Variants in CRACR2A observed in about 807,000 individuals in gnomAD.
The protein encoded by CRACR2A is calcium release activated channel regulator 2A, also known as EF-hand calcium-binding domain-containing protein 4B.
In CRACR2A, 79 loss-of-function variants were observed where a neutral mutation model predicts 90.5. The observed-to-expected ratio is 0.87, with a 90% CI of 0.73 to 1.05. The LOEUF (loss-of-function observed/expected upper bound fraction) is 1.05. CRACR2A is among the 50% of genes least tolerant of loss of function. CRACR2A has a pLI of 0.00. For missense variants in CRACR2A, 823 were observed against 897.2 expected (o/e 0.92, Z 1.06); for synonymous variants, 338 against 356.7 (o/e 0.95, Z 0.59).
chr12:3,624,160 T>C (rs969456489), intron 17 of CRACR2A, among the ~76,000 whole-genome samples: 3 of 152,200 alleles, frequency 2.0e-5, no homozygotes, highest in African/African-American at 7.2e-5. Flanking sequence ...CATGCAGGCA[T>C]GTACAGCAAC....
chr12:3,669,341 C>A (rs1945200956), intron 7 of CRACR2A, among the ~76,000 whole-genome samples: 1 of 152,204 alleles, frequency 6.6e-6, no homozygotes, highest in Admixed American at 6.5e-5. Context: ...GGATGCTTTC[C>A]ATGGCAAAGA....
intron 7 of CRACR2A, among the ~76,000 whole-genome samples, chr12:3,662,773 C>T (rs1167903874): frequency 1.3e-5 from 2 of 152,340 alleles, no homozygotes; most frequent in South Asian, 2.1e-4. Flanking sequence ...GCAGGAGCCC[C>T]GCAGTGGCTG....
chr12:3,744,638 A>T (rs1433645193), intron 1 of CRACR2A, among the ~76,000 whole-genome samples: 1 of 152,200 alleles, frequency 6.6e-6, no homozygotes, highest in Non-Finnish European at 1.5e-5. Context: ...AGCCCACAGG[A>T]GGGCAGTCTC....
chr12:3,719,339 C>T lies in CRACR2A; in HGVS notation c.-117-6022G>A, dbSNP rs241984. Among the ~76,000 whole-genome samples, 1,155 of 152,316 alleles carry T rather than the reference C, an allele frequency of 7.6e-3. 15 individuals are homozygous for T. Among genetic ancestry groups the T allele is most frequent in the African/African-American group, 0.026 (1,083 of 41,546 alleles). On this transcript the variant is annotated intron_variant, in intron 2 of 19. Transcript: ENST00000440314. Reference sequence around the variant, plus strand: ...AAAGTCACTTGGCCTCCTTGGGCCTCGGGCTCCTCTTGTCCTCCTCCATAG... The same window carrying T: ...AAAGTCACTTGGCCTCCTTGGGCCTTGGGCTCCTCTTGTCCTCCTCCATAG...
At chr12:3,643,352 C>G (rs1944607291) in intron 12 of CRACR2A, among the ~76,000 whole-genome samples, 1 of 152,160 alleles carries the variant, frequency 6.6e-6, no homozygotes, top group Non-Finnish European at 1.5e-5. Flanking sequence ...GCTAAGGGTG[C>G]AATCCACATC....
In CRACR2A at chr12:3,680,331, G is replaced by C; in HGVS notation, c.247C>G (p.Pro83Ala). 1 of 1,614,080 alleles carries C rather than the reference G, an allele frequency of 6.2e-7. No homozygotes were observed. The highest frequency in any genetic ancestry group is 8.5e-7 in the Non-Finnish European group (1 of 1,179,950). Residue 83 changes from proline (P) to alanine (A), a missense_variant, in exon 5 of 20, where the codon CCG becomes GCG. Pro to Ala is a conservative substitution (Grantham distance 27, BLOSUM62 -1). Coordinates refer to ENST00000440314, the MANE Select transcript of CRACR2A (RefSeq NM_001144958.2). ...TCCTCCAGTTCCTCCAGGCTGAGCGGTAGCTCCTTATGCAGCCTCTGAAAA... is the reference window on the plus strand; with the variant it reads ...TCCTCCAGTTCCTCCAGGCTGAGCGCTAGCTCCTTATGCAGCCTCTGAAAA... Reference protein sequence around the residue: ...KDMQRLHKELPLSLEELEDVF... With the variant: ...KDMQRLHKELALSLEELEDVF...
rs374975538 is a variant in CRACR2A, at chr12:3,619,297, G to A, written c.2008C>T (p.Arg670Trp). The A allele has an allele frequency of 4.7e-4, 734 of 1,551,482 alleles. No homozygotes were observed. The highest frequency in any genetic ancestry group is 5.8e-4 in the Non-Finnish European group (670 of 1,146,890). The change falls in exon 18 of 20, where the codon CGG (arginine) becomes TGG (tryptophan). Residue 670 changes from arginine (R) to tryptophan (W), a missense_variant. Physicochemically the swap from Arg to Trp is moderately radical, Grantham distance 101. Transcript: ENST00000440314. Reference protein sequence around the residue: ...LDNEKEREVPRGLGEQLATEN... With the variant: ...LDNEKEREVPWGLGEQLATEN... ...GTGGCAAGCTGCTCTCCGAGGCCCC[G>A]GGGGACTTCCCGCTCCTTCTCGTTG...
At chr12:3,660,829 AACACACACACACACAC>A (rs58293233) in intron 7 of CRACR2A, among the ~76,000 whole-genome samples, 31,643 of 119,562 alleles carry the variant, frequency 0.26, 4,254 homozygotes, top group Middle Eastern at 0.36. Flanking sequence ...CTGAACATGC[AACACACACACACACAC>A]ACACACACAC....
intron 18 of CRACR2A, 53 bp from the exon 19 acceptor site, chr12:3,617,083 T>G: frequency 7.3e-7 from 1 of 1,370,314 alleles, no homozygotes; most frequent in East Asian, 2.5e-5. Flanking sequence ...GAGGGGATTG[T>G]GGGGGGTGGT....
At chr12:3,724,100 T>C (rs535839315) in intron 2 of CRACR2A, among the ~76,000 whole-genome samples, 11 of 152,290 alleles carry the variant, frequency 7.2e-5, no homozygotes, top group Admixed American at 4.6e-4. Flanking sequence ...CACCCGGCCC[T>C]AGTGCTCAGT....
intron 7 of CRACR2A, among the ~76,000 whole-genome samples, chr12:3,666,655 C>G (rs368473420): frequency 2.0e-5 from 3 of 152,242 alleles, no homozygotes; most frequent in Admixed American, 6.5e-5. Context: ...TAAGGTGCTA[C>G]GCCGGAGCGA....
chr12:3,627,582 A>G (rs1944290670), intron 16 of CRACR2A, 32 bp from the exon 17 acceptor site: 1 of 1,551,502 alleles, frequency 6.4e-7, no homozygotes, highest in East Asian at 2.4e-5. Flanking sequence ...TCAGGCATGC[A>G]CGGCCTTCCC....
intron 4 of CRACR2A, among the ~76,000 whole-genome samples, chr12:3,681,300 A>G (rs1194316578): frequency 6.6e-6 from 1 of 152,238 alleles, no homozygotes; most frequent in African/African-American, 2.4e-5. Flanking sequence ...GGCTTAAGGT[A>G]TCAAGGCCCC....
At chr12:3,639,219 T>C (rs1311668614) in intron 13 of CRACR2A, among the ~76,000 whole-genome samples, 1 of 151,956 alleles carries the variant, frequency 6.6e-6, no homozygotes. Flanking sequence ...CCCTTTCTCT[T>C]CCCCTTTCTG....
chr12:3,707,319 C>T (rs1392933310), intron 3 of CRACR2A, among the ~76,000 whole-genome samples: 3 of 152,214 alleles, frequency 2.0e-5, no homozygotes, highest in African/African-American at 7.2e-5. Flanking sequence ...CTGTAAAATA[C>T]TCTTCCAGGT....
intron 8 of CRACR2A, among the ~76,000 whole-genome samples, chr12:3,656,619 G>A (rs890782413): frequency 6.6e-6 from 1 of 152,182 alleles, no homozygotes; most frequent in African/African-American, 2.4e-5. Context: ...AGTGAGGCAG[G>A]ATGCAAACTC....
intron 12 of CRACR2A, 68 bp downstream of exon 12, chr12:3,644,527 A>G: frequency 2.7e-6 from 4 of 1,479,302 alleles, no homozygotes; most frequent in East Asian, 2.5e-5. Context: ...CAGTCTCGAC[A>G]TGGATCTGGC....
intron 3 of CRACR2A, among the ~76,000 whole-genome samples, chr12:3,712,378 G>A (rs1008352878): frequency 3.3e-5 from 5 of 152,194 alleles, no homozygotes; most frequent in East Asian, 3.9e-4. Context: ...AGCATGGTGC[G>A]AACATCTGCT....
In CRACR2A at chr12:3,746,377, A is replaced by ATC. The variant is rs1334378408; in HGVS notation, c.-387+6636_-387+6637dup. ...GCTCTCTCTCTCTCTCTCTCTCCCC[A>ATC]TCTCTCTCTCCTCCCTCTTCCCCAC... On this transcript the variant is annotated intron_variant, in intron 1 of 19. Coordinates refer to ENST00000440314, the MANE Select transcript of CRACR2A (RefSeq NM_001144958.2). This position sits in a 1 kb window ranked among gnomAD's most constrained non-coding sequence, Gnocchi z 4.4. Among the ~76,000 whole-genome samples the ATC allele has an allele frequency of 6.9e-6, 1 of 144,316 alleles. No individual in the cohort carries two copies. Among genetic ancestry groups the ATC allele is most frequent in the African/African-American group, 2.6e-5 (1 of 38,458 alleles). 94.7% of individuals were successfully genotyped at this position (144,316 alleles called of 152,430 possible).
Sources: allele counts gnomAD v4.1 joint callset (sites outside exome capture counted in the v4.1 genomes callset), GRCh38; gene constraint gnomAD v4.1.1; non-coding constraint Gnocchi (gnomAD v3.1); transcripts MANE v1.5; gene names NCBI Gene and HGNC (gene_info 2026-07-23, HGNC 2026-07-21).